DCDC1: variants seen among roughly 807,000 people sequenced by gnomAD.
The protein encoded by DCDC1 is doublecortin domain containing 1.
A neutral mutation model predicts 178.3 loss-of-function variants in DCDC1; 200 were observed. The observed-to-expected ratio is 1.12, with a 90% CI of 1.00 to 1.26. The LOEUF is 1.26. DCDC1 is among the 50% of genes most tolerant of loss of function. The pLI is 0.00. For missense variants in DCDC1, 1,983 were observed against 1,749.2 expected (o/e 1.13, Z -2.38); for synonymous variants, 690 against 604.8 (o/e 1.14, Z -2.07).
intron 8 of DCDC1, among the ~76,000 whole-genome samples, chr11:31,259,378 C>T (rs934359870): frequency 6.6e-5 from 10 of 152,084 alleles, no homozygotes; most frequent in East Asian, 5.8e-4. Flanking sequence ...ATAATAATAA[C>T]GCCAATAATG....
chr11:31,248,851 G>T (rs988817446), intron 8 of DCDC1, among the ~76,000 whole-genome samples: 1 of 152,124 alleles, frequency 6.6e-6, no homozygotes, highest in Non-Finnish European at 1.5e-5. Flanking sequence ...TTAGGAGAAA[G>T]ATAATCTCTG....
chr11:31,216,742 C>G (rs1591443486), intron 9 of DCDC1, among the ~76,000 whole-genome samples: 1 of 152,138 alleles, frequency 6.6e-6, no homozygotes, highest in Non-Finnish European at 1.5e-5. Flanking sequence ...TTAGCTTTCC[C>G]CATACAAGAC....
chr11:30,874,379 T>G (rs1278920526), intron 38 of DCDC1, among the ~76,000 whole-genome samples: 1 of 152,204 alleles, frequency 6.6e-6, no homozygotes, highest in Non-Finnish European at 1.5e-5. Context: ...AGAATCATAT[T>G]AAGGAAGTAT....
At chr11:31,100,968 A>T (rs765275286) in intron 15 of DCDC1, among the ~76,000 whole-genome samples, 6 of 152,200 alleles carry the variant, frequency 3.9e-5, no homozygotes, top group Non-Finnish European at 5.9e-5. Context: ...TATTTTCTCA[A>T]AACCCGGCAG....
intron 22 of DCDC1, among the ~76,000 whole-genome samples, chr11:30,925,669 T>C (rs887196166): frequency 1.3e-5 from 2 of 152,182 alleles, no homozygotes; most frequent in African/African-American, 4.8e-5. Context: ...TAAAGGTTGA[T>C]TTTGAAAAGA....
chr11:31,265,662 A>T (rs1945104385), intron 7 of DCDC1, 62 bp from the exon 8 acceptor site: 1 of 757,230 alleles, frequency 1.3e-6, no homozygotes, highest in Non-Finnish European at 1.9e-6. Context: ...TACACATTTA[A>T]ACTCTTTTCT....
At chr11:30,978,756 C>A (rs1034153539) in intron 20 of DCDC1, among the ~76,000 whole-genome samples, 1 of 149,046 alleles carries the variant, frequency 6.7e-6, no homozygotes, top group Admixed American at 6.7e-5. Flanking sequence ...AACCAAATTT[C>A]TTCATCCTCC....
chr11:31,290,370 T>C (rs557758039), intron 7 of DCDC1, among the ~76,000 whole-genome samples: 1 of 152,124 alleles, frequency 6.6e-6, no homozygotes, highest in African/African-American at 2.4e-5. Context: ...TTTAGAATGT[T>C]TTCTCTAGTA....
intron 11 of DCDC1, among the ~76,000 whole-genome samples, chr11:31,118,115 G>A (rs1487039190): frequency 6.6e-6 from 1 of 151,970 alleles, no homozygotes; most frequent in Non-Finnish European, 1.5e-5. Flanking sequence ...ATTTTACTAG[G>A]AGAAATGAAC....
chr11:31,263,092 C>T, intron 8 of DCDC1: 1 of 1,611,862 alleles, frequency 6.2e-7, no homozygotes, highest in Non-Finnish European at 8.5e-7. Context: ...ATAAGTAATT[C>T]TGTTATACCA....
intron 9 of DCDC1, among the ~76,000 whole-genome samples, chr11:31,163,239 A>G (rs1456629935): frequency 1.3e-5 from 2 of 152,190 alleles, no homozygotes; most frequent in Admixed American, 6.6e-5. Context: ...TGAAATCTCA[A>G]TTTATAAAAT....
chr11:31,257,348 G>A (rs1034219688), intron 8 of DCDC1, among the ~76,000 whole-genome samples: 5 of 152,058 alleles, frequency 3.3e-5, no homozygotes, highest in African/African-American at 7.2e-5. Flanking sequence ...ACATTTTATC[G>A]TATAAATTTT....
At chr11:31,183,942 A>C (rs559948809) in intron 9 of DCDC1, among the ~76,000 whole-genome samples, 1 of 152,336 alleles carries the variant, frequency 6.6e-6, no homozygotes, top group Admixed American at 6.5e-5. Context: ...CCTACTTTAA[A>C]GTTCATATGG....
chr11:31,155,983 C>T (rs1965683789), intron 9 of DCDC1: 1 of 152,190 alleles, frequency 6.6e-6, no homozygotes, highest in Non-Finnish European at 1.5e-5. Context: ...TGACTGGAAT[C>T]TAAAACATTT....
chr11:31,091,551 T>C, intron 16 of DCDC1, 40 bp from the exon 17 acceptor site: 1 of 704,706 alleles, frequency 1.4e-6, no homozygotes, highest in Non-Finnish European at 2.6e-6. Flanking sequence ...TCTAAATAAG[T>C]TAAAAGAACC....
intron 8 of DCDC1, among the ~76,000 whole-genome samples, chr11:31,243,819 T>A (rs1427073789): frequency 3.3e-5 from 5 of 151,818 alleles, no homozygotes; most frequent in Non-Finnish European, 7.4e-5. Flanking sequence ...GCAGGTTTTA[T>A]AAGGGACTTC....
chr11:31,289,798 T>A (rs1947093743), intron 7 of DCDC1, among the ~76,000 whole-genome samples: 1 of 151,972 alleles, frequency 6.6e-6, no homozygotes, highest in Non-Finnish European at 1.5e-5. Flanking sequence ...GTTATCTCTG[T>A]TTTTTTAGAT....
intron 20 of DCDC1, among the ~76,000 whole-genome samples, chr11:31,001,588 C>A (rs777604791): frequency 2.0e-5 from 3 of 152,098 alleles, no homozygotes; most frequent in Non-Finnish European, 2.9e-5. Flanking sequence ...TGAGTGAAGA[C>A]AAATGCTGTT....
intron 7 of DCDC1, among the ~76,000 whole-genome samples, chr11:31,284,858 C>T (rs571233716): frequency 7.9e-5 from 12 of 151,954 alleles, no homozygotes; most frequent in African/African-American, 2.2e-4. Flanking sequence ...AGGCTGGTCT[C>T]GAACTCCTGA....
Sources: gnomAD v4.1 joint callset for allele counts (sites outside exome capture counted in the v4.1 genomes callset) on GRCh38, gnomAD v4.1.1 for gene constraint, MANE v1.5 for transcripts, NCBI Gene and HGNC (gene_info 2026-07-23, HGNC 2026-07-21) for gene names.